Variants in HELZ observed in about 807,000 individuals in gnomAD.
HELZ encodes the protein ATP-dependent RNA helicase with zinc finger domain.
A neutral mutation model predicts 218.2 loss-of-function variants in HELZ; 23 were observed. That is an observed-to-expected ratio of 0.11 (90% confidence interval 0.08 to 0.15). The LOEUF (loss-of-function observed/expected upper bound fraction) is 0.15, where lower values mean the gene tolerates loss of function less well. Ranked by LOEUF, HELZ falls within the 10% of genes least tolerant of loss-of-function variation. HELZ has a pLI of 1.00. For synonymous variants in HELZ, 814 were observed against 829.4 expected, an observed-to-expected ratio of 0.98 and a Z score of 0.32; for missense variants, 1,813 against 2,353.7, an observed-to-expected ratio of 0.77 and a Z score of 4.75.
intron 3 of HELZ, among the ~76,000 whole-genome samples, chr17:67,234,641 C>T (rs1380587903): frequency 2.6e-5 from 4 of 151,816 alleles, no homozygotes; most frequent in Admixed American, 2.0e-4. Flanking sequence ...TCAAGACAGC[C>T]TGGGGAACAT....
intron 17 of HELZ, among the ~76,000 whole-genome samples, chr17:67,159,249 CT>C (rs372080500): frequency 1.1e-3 from 163 of 152,060 alleles, no homozygotes; most frequent in African/African-American, 3.4e-3. Context: ...CAACCAGATT[CT>C]ATTTAAAATA....
chr17:67,213,083 C>A (rs903489915), intron 5 of HELZ, among the ~76,000 whole-genome samples: 1 of 152,160 alleles, frequency 6.6e-6, no homozygotes, highest in African/African-American at 2.4e-5. Flanking sequence ...TCAGCATTTA[C>A]TTTTGTATGA....
rs1364119197 is a variant in HELZ, at chr17:67,078,344, C to T, written c.5737G>A (p.Ala1913Thr). The T allele has an allele frequency of 6.2e-7, 1 of 1,613,822 alleles. No homozygotes were observed. The highest frequency in any genetic ancestry group is 8.5e-7 in the Non-Finnish European group (1 of 1,179,928). Residue 1913 changes from alanine to threonine, a missense_variant, in exon 33 of 33, where the codon GCC becomes ACC. Physicochemically the swap from Ala to Thr is moderately conservative, Grantham distance 58. Coordinates refer to ENST00000358691, the MANE Select transcript of HELZ (RefSeq NM_014877.4). ...GACAGAGGGTCGCTACTCTTCTTGG[C>T]CTGCTCAGGAGGGGGCCTGGGCTTT... ...PPKPRPPPEQ[A>T]KKSSDPLSLF... is the part of the protein sequence containing the mutation.
chr17:67,221,016 A>G (rs544565895), intron 3 of HELZ, among the ~76,000 whole-genome samples: 118 of 152,288 alleles, frequency 7.7e-4, no homozygotes, highest in Admixed American at 1.6e-3. Context: ...ACAAACATAC[A>G]TTGATGTGGG....
At chr17:67,157,220 G>T (rs74655262) in intron 17 of HELZ, among the ~76,000 whole-genome samples, 4 of 152,034 alleles carry the variant, frequency 2.6e-5, no homozygotes, top group Non-Finnish European at 5.9e-5. Flanking sequence ...CCAGTCTCAG[G>T]TATTTCTTTA....
intron 9 of HELZ, 105 bp downstream of exon 9, chr17:67,193,862 C>T (rs200903948): frequency 2.8e-5 from 22 of 781,996 alleles, no homozygotes. Flanking sequence ...TTTATGGCTT[C>T]TGTTTCAAAT....
At chr17:67,154,627 G>A (rs928448308) in intron 17 of HELZ, among the ~76,000 whole-genome samples, 9 of 152,036 alleles carry the variant, frequency 5.9e-5, no homozygotes, top group Non-Finnish European at 1.5e-5. Flanking sequence ...CAAGCCTGAA[G>A]TTGATAATCA....
intron 23 of HELZ, among the ~76,000 whole-genome samples, chr17:67,130,117 C>T (rs757525072): frequency 1.3e-5 from 2 of 152,024 alleles, no homozygotes; most frequent in African/African-American, 2.4e-5. Context: ...GCCTTATATC[C>T]ATCTTTCCTA....
intron 3 of HELZ, among the ~76,000 whole-genome samples, chr17:67,238,794 G>A (rs190966655): frequency 3.9e-5 from 6 of 152,222 alleles, no homozygotes; most frequent in Admixed American, 2.0e-4. Flanking sequence ...AATGAAAGAC[G>A]AAGACACCAT....
intron 29 of HELZ, 67 bp downstream of exon 29, chr17:67,109,049 A>G (rs911818784): frequency 3.1e-6 from 4 of 1,271,612 alleles, no homozygotes; most frequent in African/African-American, 3.0e-5. Flanking sequence ...ACCCAAAATG[A>G]TATTATACAG....
At chr17:67,167,858 GA>G in intron 13 of HELZ, 62 bp from the exon 14 acceptor site, 3 of 1,115,788 alleles carry the variant, frequency 2.7e-6, no homozygotes, top group Non-Finnish European at 3.9e-6. Context: ...AAAACTAGAA[GA>G]GTGAAACAAA....
intron 3 of HELZ, among the ~76,000 whole-genome samples, chr17:67,230,318 C>T (rs550265446): frequency 6.6e-6 from 1 of 152,268 alleles, no homozygotes; most frequent in African/African-American, 2.4e-5. Flanking sequence ...GCAAGCAAGG[C>T]TGGGCACAGT....
At chr17:67,120,714 A>AACAC in intron 26 of HELZ, 102 bp from the exon 27 acceptor site, 2 of 704,870 alleles carry the variant, frequency 2.8e-6, no homozygotes, top group Non-Finnish European at 5.1e-6. Flanking sequence ...AAGACATACA[A>AACAC]ACACACACAC....
intron 27 of HELZ, 103 bp downstream of exon 27, chr17:67,120,301 TC>T: frequency 1.1e-6 from 1 of 929,086 alleles, no homozygotes; most frequent in Non-Finnish European, 1.7e-6. Context: ...AGGTCTATAA[TC>T]CATGAAAAAG....
Position 67,201,005 on chromosome 17 carries a change from T to C in HELZ, c.429+124A>G, listed in dbSNP as rs975350022. On this transcript the variant is annotated intron_variant, in intron 7 of 32. Transcript: ENST00000358691. ...TACGAGGGAAGGCTGGCAGTCCCAC[T>C]GCCCCACCTTCACAGCCTCGCCTTC... The C allele has an allele frequency of 4.3e-5, 33 of 772,708 alleles. No individual in the cohort carries two copies. In the African/African-American group the frequency reaches 5.3e-4, roughly 12 times the overall value. 47.9% of individuals were successfully genotyped at this position (772,708 alleles called of 1,614,324 possible).
chr17:67,219,608 A>C (rs1445833758), intron 3 of HELZ, among the ~76,000 whole-genome samples: 4 of 150,588 alleles, frequency 2.7e-5, no homozygotes, highest in African/African-American at 7.4e-5. Flanking sequence ...ACACAGCCTA[A>C]ACTCAAGGTA....
chr17:67,237,813 C>T (rs1386946419), intron 3 of HELZ, among the ~76,000 whole-genome samples: 1 of 149,226 alleles, frequency 6.7e-6, no homozygotes, highest in Non-Finnish European at 1.5e-5. Flanking sequence ...ACATGGTGAA[C>T]CCCCATCTCC....
chr17:67,211,915 CTG>C (rs940195044), intron 5 of HELZ, among the ~76,000 whole-genome samples: 3 of 151,958 alleles, frequency 2.0e-5, no homozygotes, highest in South Asian at 2.1e-4. Context: ...AAAGAAAAGA[CTG>C]TTTTTTAATT....
intron 12 of HELZ, among the ~76,000 whole-genome samples, chr17:67,186,883 G>A (rs991234588): frequency 1.3e-5 from 2 of 152,124 alleles, no homozygotes; most frequent in Non-Finnish European, 2.9e-5. Context: ...GGTTCTCAAG[G>A]TCTGGTCTCT....
Sources: gnomAD v4.1 joint callset for allele counts (sites outside exome capture counted in the v4.1 genomes callset) on GRCh38, gnomAD v4.1.1 for gene constraint, MANE v1.5 for transcripts, NCBI Gene and HGNC (gene_info 2026-07-23, HGNC 2026-07-21) for gene names.